Variants in CELA3A observed in about 807,000 individuals in gnomAD.
The protein encoded by CELA3A is chymotrypsin-like elastase family member 3A.
Under a neutral mutation model 38.6 loss-of-function variants are expected in CELA3A, and 35 were observed. That is an observed-to-expected ratio of 0.91 (90% CI 0.69 to 1.20). CELA3A has a LOEUF of 1.20. CELA3A is among the 50% of genes most tolerant of loss of function. CELA3A has a pLI of 0.00. For missense variants in CELA3A, 343 were observed against 354.2 expected, an observed-to-expected ratio of 0.97 and a Z score of 0.25; for synonymous variants, 143 against 136.7, an observed-to-expected ratio of 1.05 and a Z score of -0.32.
chr1:22,001,797 C>G lies in CELA3A; in HGVS notation c.43+80C>G, dbSNP rs557297337. 1.2e-4 allele frequency: 189 copies of G among 1,569,524 alleles called. 5 individuals are homozygous for G. In the South Asian group the frequency reaches 2.0e-3, roughly 17 times the overall value. On this transcript the variant is annotated intron_variant, in intron 1 of 7. Transcript: ENST00000290122. ...TGAAATCTACCACTCGCTCTGAGTC[C>G]CATGACATGCTATGCCTGGTTCCAC...
chr1:22,011,460 T>TA (rs1211850415), intron 7 of CELA3A, among the ~76,000 whole-genome samples: 1 of 127,874 alleles, frequency 7.8e-6, no homozygotes, highest in East Asian at 2.5e-4. Flanking sequence ...TGACCCATGT[T>TA]AAAAAAATAT....
At position 22,002,983 on chromosome 1, in the gene CELA3A, A is replaced by C. The variant is rs1407202433; in HGVS notation, c.44-20A>C. ...TTTGGGGACCCTCCAGCTGATTGAC[A>C]GCTCTCCTCTCCCCTCTAGCCTCAG... On this transcript the variant is annotated intron_variant, in intron 1 of 7. Transcript: ENST00000290122. 4 of 1,576,776 alleles carry C rather than the reference A, an allele frequency of 2.5e-6. 1 individual carries two copies. Among genetic ancestry groups the C allele is most frequent in the Non-Finnish European group, 3.4e-6 (4 of 1,162,848 alleles).
rs1391273259 is a variant in CELA3A, at chr1:22,011,617, A to G, written c.796-833A>G. Among the ~76,000 whole-genome samples, 2 of 125,636 alleles carry G rather than the reference A, an allele frequency of 1.6e-5. 1 individual carries two copies. Among genetic ancestry groups the G allele is most frequent in the Non-Finnish European group, 3.3e-5 (2 of 61,192 alleles). The allele number at this position is 125,636 out of a possible 152,430, so 82.4% of individuals were successfully genotyped here. A position where few individuals can be genotyped will look rare whatever the true frequency, so the allele number is the denominator to read the frequency against. On this transcript the variant is annotated intron_variant, in intron 7 of 7. Coordinates refer to ENST00000290122, the MANE Select transcript of CELA3A (RefSeq NM_005747.5). ...CTACAAAAATATAAAAAAATTGGCC[A>G]GGCGTGGTAGTGCGTCGCTGTAATC... is the stretch of plus-strand genomic sequence containing the variant.
At position 22,007,012 on chromosome 1, in the gene CELA3A, A is replaced by T. The variant is rs553205818; in HGVS notation, c.497A>T (p.Tyr166Phe). 2 of 1,612,266 alleles carry T rather than the reference A, an allele frequency of 1.2e-6. No homozygotes were observed. The highest frequency in any genetic ancestry group is 1.7e-5 in the Admixed American group (1 of 59,938). ...PCYITGWGRL[Y>F]TNGPLPDKLQ... ...TACATCACCGGCTGGGGCCGTCTCT[A>T]TAGTACGTGCTGACTTCTCTAGCTG... Residue 166 changes from tyrosine (Y) to phenylalanine (F), a missense_variant and splice_region_variant, in exon 5 of 8, where the codon TAT becomes TTT. Physicochemically the swap from Tyr to Phe is conservative, Grantham distance 22. Transcript: ENST00000290122.
In CELA3A at chr1:22,009,756, G is replaced by A. The variant is rs1186819838; in HGVS notation, c.694G>A (p.Val232Ile). 3 of 1,612,290 alleles carry A rather than the reference G, an allele frequency of 1.9e-6. No individual in the cohort carries two copies. The highest frequency in any genetic ancestry group is 3.3e-5 in the Admixed American group (2 of 59,886). Reference sequence around the variant, plus strand: ...CCCCACAGAGGATGGTGGCTGGCAGGTCCACGGTGTGACCAGCTTTGTTTC... The same window carrying A: ...CCCCACAGAGGATGGTGGCTGGCAGATCCACGGTGTGACCAGCTTTGTTTC... The part of the protein sequence containing the change: ...NCPTEDGGWQ[V>I]HGVTSFVSAF... The change falls in exon 7 of 8, where the codon GTC (valine) becomes ATC (isoleucine). Residue 232 changes from valine to isoleucine, a missense_variant. By Grantham distance (29) the Val-to-Ile change is conservative. Coordinates refer to ENST00000290122, the MANE Select transcript of CELA3A (RefSeq NM_005747.5).
Position 22,001,657 on chromosome 1 carries a change from C to A in CELA3A, c.-18C>A, listed in dbSNP as rs373386491. The A allele has an allele frequency of 1.2e-6, 2 of 1,611,864 alleles. No individual in the cohort carries two copies. Among genetic ancestry groups the A allele is most frequent in the Non-Finnish European group, 1.7e-6 (2 of 1,179,262 alleles). ...AGAGCCCCAGGCTCTGTGCCCTTTTCCTATCATCACAAAACTCATGATGCT... is the reference window on the plus strand; with the variant it reads ...AGAGCCCCAGGCTCTGTGCCCTTTTACTATCATCACAAAACTCATGATGCT... On this transcript the variant is annotated 5_prime_UTR_variant, in exon 1 of 8. Coordinates refer to ENST00000290122, the MANE Select transcript of CELA3A (RefSeq NM_005747.5).
chr1:22,010,047 C>T, intron 7 of CELA3A, 190 bp downstream of exon 7: 1 of 840,916 alleles, frequency 1.2e-6, no homozygotes, highest in Non-Finnish European at 1.8e-6. Flanking sequence ...AACTTGATGG[C>T]TTCTGGGTGG....
rs59135677 is a variant in CELA3A at position 22,005,653 on chromosome 1, T to C, written c.228-9T>C. 14 of 1,612,246 alleles carry C rather than the reference T, an allele frequency of 8.7e-6. No individual in the cohort carries two copies. Among genetic ancestry groups the C allele is most frequent in the Admixed American group, 1.7e-5 (1 of 59,902 alleles). On this transcript the variant is annotated splice_polypyrimidine_tract_variant and intron_variant, in intron 3 of 7. Transcript: ENST00000290122. ...GTCAGGCCCCGACTGACCTCACCTC[T>C]GCCTGCAGGAGGGATCTGACCTACC...
intron 1 of CELA3A, among the ~76,000 whole-genome samples, chr1:22,002,369 CT>C (rs965567833): frequency 6.1e-5 from 9 of 147,132 alleles, no homozygotes; most frequent in East Asian, 4.1e-4. Context: ...TTATTTTTTG[CT>C]TTTTTTTTGT....
At chr1:22,003,924 G>A (rs1463657396) in intron 2 of CELA3A, among the ~76,000 whole-genome samples, 4 of 150,512 alleles carry the variant, frequency 2.7e-5, no homozygotes, top group African/African-American at 9.9e-5. Context: ...GGCCAGTCTG[G>A]AGCTTCTGAC....
At chr1:22,007,240 G>T in intron 5 of CELA3A, 133 bp from the exon 6 acceptor site, 1 of 1,352,842 alleles carries the variant, frequency 7.4e-7, no homozygotes, top group South Asian at 1.4e-5. Flanking sequence ...CACAAAGCAT[G>T]CAGGACCATT....
intron 5 of CELA3A, among the ~76,000 whole-genome samples, 177 bp downstream of exon 5, chr1:22,007,191 G>A (rs1239849503): frequency 6.6e-6 from 1 of 151,532 alleles, no homozygotes; most frequent in Non-Finnish European, 1.5e-5. Context: ...CACATGTTTT[G>A]GTATCTTCTG....
intron 6 of CELA3A, among the ~76,000 whole-genome samples, 182 bp from the exon 7 acceptor site, chr1:22,009,523 G>A (rs1644970670): frequency 1.3e-5 from 2 of 151,376 alleles, no homozygotes; most frequent in Non-Finnish European, 2.9e-5. Context: ...CTGCACTCCA[G>A]CCTGGACAGC....
chr1:22,005,100 CA>C (rs1337326927), intron 2 of CELA3A, among the ~76,000 whole-genome samples: 143 of 108,406 alleles, frequency 1.3e-3, no homozygotes, highest in Middle Eastern at 0.01. Context: ...AACTCCATCT[CA>C]AAAAAAAAAA....
At chr1:22,007,538 G>A (rs777027382) in intron 6 of CELA3A, 23 bp downstream of exon 6, 34 of 1,600,166 alleles carry the variant, frequency 2.1e-5, no homozygotes, top group Non-Finnish European at 2.4e-5. Flanking sequence ...TTACCTGCCC[G>A]AGGTGGTGCT....
At chr1:22,007,102 G>A (rs3820290) in intron 5 of CELA3A, 88 bp downstream of exon 5, 733,534 of 1,496,238 alleles carry the variant, frequency 0.49, 141,438 homozygotes, top group Middle Eastern at 0.6. Context: ...CACCAAGACC[G>A]GACCTTGTAC....
Position 22,005,936 on chromosome 1 carries a change from A to G in CELA3A, c.362+140A>G, listed in dbSNP as rs1569869287. 3 of 1,527,570 alleles carry G rather than the reference A, an allele frequency of 2.0e-6. No homozygotes were observed. The East Asian group carries it at 6.9e-5, about 35-fold the overall frequency. The allele number at this position is 1,527,570 out of a possible 1,614,324, so 94.6% of individuals were successfully genotyped here. Reference sequence around the variant, plus strand: ...TAGGGACAGGGGAGCTGAGTCCAGCAGCCTGTGCCCAGGTCCCACACACTG... The same window carrying G: ...TAGGGACAGGGGAGCTGAGTCCAGCGGCCTGTGCCCAGGTCCCACACACTG... On this transcript the variant is annotated intron_variant, in intron 4 of 7. Coordinates refer to ENST00000290122, the MANE Select transcript of CELA3A (RefSeq NM_005747.5).
intron 1 of CELA3A, 74 bp downstream of exon 1, chr1:22,001,791 T>G: frequency 6.3e-7 from 1 of 1,580,434 alleles, no homozygotes; most frequent in South Asian, 1.1e-5. Context: ...CCACTCGCTC[T>G]GAGTCCCATG....
chr1:22,003,878 A>G (rs1202687465), intron 2 of CELA3A, among the ~76,000 whole-genome samples: 2 of 148,080 alleles, frequency 1.4e-5, no homozygotes, highest in East Asian at 2.1e-4. Context: ...CTAATTTTGT[A>G]TTTTTAGTAG....
Sources: gnomAD v4.1 joint callset for allele counts (sites outside exome capture counted in the v4.1 genomes callset) on GRCh38, gnomAD v4.1.1 for gene constraint, MANE v1.5 for transcripts, NCBI Gene and HGNC (gene_info 2026-07-23, HGNC 2026-07-21) for gene names.